GRID2: variants seen among roughly 807,000 people sequenced by gnomAD.
GRID2 encodes the protein glutamate receptor ionotropic, delta-2.
GRID2 carries 33 observed loss-of-function variants against 114.8 expected under a neutral mutation model. That is an observed-to-expected ratio of 0.29 (90% CI 0.22 to 0.38). The LOEUF (loss-of-function observed/expected upper bound fraction) is 0.38. Ranked by LOEUF, GRID2 falls within the 10% of genes least tolerant of loss-of-function variation. GRID2 has a pLI of 1.00. For synonymous variants in GRID2, 505 were observed against 449.9 expected, an observed-to-expected ratio of 1.12 and a Z score of -1.55; for missense variants, 1,184 against 1,257.7, an observed-to-expected ratio of 0.94 and a Z score of 0.89.
At chr4:93,489,328 C>T (rs981779136) in intron 11 of GRID2, among the ~76,000 whole-genome samples, 6 of 151,888 alleles carry the variant, frequency 4.0e-5, no homozygotes, top group African/African-American at 9.7e-5. Context: ...GGACATATAT[C>T]GGCATGGCTC....
intron 7 of GRID2, among the ~76,000 whole-genome samples, chr4:93,230,300 C>A (rs1024194247): frequency 3.9e-5 from 6 of 151,914 alleles, no homozygotes; most frequent in African/African-American, 1.4e-4. Context: ...ATTACTGGTT[C>A]TCTTGTATTT....
chr4:93,416,161 G>T (rs999660214), intron 9 of GRID2, among the ~76,000 whole-genome samples: 4 of 151,852 alleles, frequency 2.6e-5, no homozygotes, highest in Admixed American at 2.6e-4. Flanking sequence ...TCCTTATTTT[G>T]TTTTTCTATT....
intron 14 of GRID2, among the ~76,000 whole-genome samples, chr4:93,659,560 GAT>G (rs1319794401): frequency 6.6e-6 from 1 of 152,180 alleles, no homozygotes; most frequent in African/African-American, 2.4e-5. Flanking sequence ...CTTAAGAAGG[GAT>G]GATGAATGGA....
In GRID2 at chr4:93,382,690, A is replaced by G. The variant is rs1046933553; in HGVS notation, c.1246-12917A>G. 8.6e-5 allele frequency among the ~76,000 whole-genome samples: 13 copies of G among 151,954 alleles called. 1 individual carries two copies. Among genetic ancestry groups the G allele is most frequent in the Admixed American group, 2.6e-4 (4 of 15,224 alleles). On this transcript the variant is annotated intron_variant, in intron 8 of 15. Coordinates refer to ENST00000282020, the MANE Select transcript of GRID2 (RefSeq NM_001510.4). The stretch of plus-strand genomic sequence containing the variant: ...GCATCTTTATTACAGTTGTTTTATT[A>G]CAGTTGTCCAGTAGGTCCCCCATCA...
At chr4:93,558,746 T>C (rs1734587568) in intron 13 of GRID2, among the ~76,000 whole-genome samples, 1 of 152,166 alleles carries the variant, frequency 6.6e-6, no homozygotes, top group Admixed American at 6.5e-5. Flanking sequence ...GAGGCCAGCA[T>C]CATCCTGAAA....
intron 1 of GRID2, among the ~76,000 whole-genome samples, chr4:92,487,757 G>A (rs1579451972): frequency 1.8e-5 from 1 of 54,644 alleles, no homozygotes; most frequent in South Asian, 5.4e-4. Context: ...TGGGTTTTTT[G>A]TTTGTTTGTT....
chr4:92,804,081 T>A (rs532212757), intron 2 of GRID2, among the ~76,000 whole-genome samples: 1 of 152,114 alleles, frequency 6.6e-6, no homozygotes, highest in South Asian at 2.1e-4. Context: ...CGTATTCTTT[T>A]TGTGTGTATC....
At chr4:92,361,349 G>A (rs10516907) in intron 1 of GRID2, among the ~76,000 whole-genome samples, 9,941 of 151,872 alleles carry the variant, frequency 0.065, 973 homozygotes, top group African/African-American at 0.22. Flanking sequence ...ATAACTCTAC[G>A]TGAAGACAGT....
At position 93,490,782 on chromosome 4, in the gene GRID2, G is replaced by A; in HGVS notation, c.1997+5G>A. 1.2e-6 allele frequency: 2 copies of A among 1,600,764 alleles called. No homozygotes were observed. The highest frequency in any genetic ancestry group is 1.7e-6 in the Non-Finnish European group (2 of 1,170,438). On this transcript the variant is annotated splice_donor_5th_base_variant and intron_variant, in intron 12 of 15. Transcript: ENST00000282020. ...ACGCATTGAAAGTTCCATCCAGTAA[G>A]TAAACAATGTTTCCATTAGCCACAA...
chr4:93,555,326 T>G (rs1734207509), intron 13 of GRID2, among the ~76,000 whole-genome samples: 1 of 152,110 alleles, frequency 6.6e-6, no homozygotes, highest in South Asian at 2.1e-4. Flanking sequence ...TGGATCCCAC[T>G]CCCATGGAGC....
chr4:92,717,972 G>A (rs1397651265), intron 2 of GRID2, among the ~76,000 whole-genome samples: 5 of 151,818 alleles, frequency 3.3e-5, no homozygotes, highest in African/African-American at 7.3e-5. Flanking sequence ...AGAAATATAA[G>A]GATCCCATTT....
chr4:92,509,194 C>T (rs967668623), intron 1 of GRID2, among the ~76,000 whole-genome samples: 8 of 151,774 alleles, frequency 5.3e-5, no homozygotes, highest in Non-Finnish European at 7.4e-5. Context: ...ATATAAATGA[C>T]GATATTATTA....
chr4:93,230,968 C>G (rs1405214099), intron 7 of GRID2, among the ~76,000 whole-genome samples: 1 of 151,858 alleles, frequency 6.6e-6, no homozygotes, highest in Non-Finnish European at 1.5e-5. Context: ...GTTATGTAAC[C>G]TAGAGCAAGC....
At position 93,451,619 on chromosome 4, in the gene GRID2, C is replaced by A. The variant is rs544614088; in HGVS notation, c.1546-4043C>A. Among the ~76,000 whole-genome samples the A allele has an allele frequency of 3.2e-3, 483 of 152,086 alleles. 1 individual carries two copies. Among genetic ancestry groups the A allele is most frequent in the South Asian group, 0.014 (69 of 4,824 alleles). On this transcript the variant is annotated intron_variant, in intron 10 of 15. Transcript: ENST00000282020. The stretch of plus-strand genomic sequence containing the variant: ...GTGGCAGGAGACAGGATCAGATTTG[C>A]TCTATAGAAAGACTACTTTGGCTAC...
At chr4:93,365,791 G>A (rs1762281650) in intron 8 of GRID2, among the ~76,000 whole-genome samples, 1 of 152,188 alleles carries the variant, frequency 6.6e-6, no homozygotes, top group Non-Finnish European at 1.5e-5. Flanking sequence ...CGGGAAGTCA[G>A]GGACCCCAAA....
intron 14 of GRID2, among the ~76,000 whole-genome samples, chr4:93,685,430 C>T (rs1039174711): frequency 1.3e-5 from 2 of 152,040 alleles, no homozygotes; most frequent in Non-Finnish European, 2.9e-5. Context: ...ATTGCCAACT[C>T]TTTGAATTTC....
intron 13 of GRID2, among the ~76,000 whole-genome samples, chr4:93,543,385 A>G (rs1732850521): frequency 6.6e-6 from 1 of 152,220 alleles, no homozygotes; most frequent in Non-Finnish European, 1.5e-5. Context: ...CAGAGTAAAC[A>G]TTAGTAAACT....
At chr4:92,397,967 T>A (rs1437549322) in intron 1 of GRID2, among the ~76,000 whole-genome samples, 1 of 152,142 alleles carries the variant, frequency 6.6e-6, no homozygotes, top group Non-Finnish European at 1.5e-5. Context: ...ACACAGGTGC[T>A]TCAGACTGTA....
At chr4:93,643,899 C>A (rs1244084845) in intron 14 of GRID2, among the ~76,000 whole-genome samples, 2 of 101,428 alleles carry the variant, frequency 2.0e-5, no homozygotes, top group Non-Finnish European at 3.9e-5. Flanking sequence ...ATGGCGGGCG[C>A]CCCTCCCCCA....
Sources: allele counts gnomAD v4.1 joint callset (sites outside exome capture counted in the v4.1 genomes callset), GRCh38; gene constraint gnomAD v4.1.1; transcripts MANE v1.5; gene names NCBI Gene and HGNC (gene_info 2026-07-23, HGNC 2026-07-21).